Variants in LOXL2 observed in about 807,000 individuals in gnomAD.
LOXL2 encodes lysyl oxidase like 2.
A neutral mutation model predicts 93.0 loss-of-function variants in LOXL2; 70 were observed. That is an observed-to-expected ratio of 0.75 (90% CI 0.62 to 0.92). The LOEUF is 0.92. Ranked by LOEUF, LOXL2 falls within the 40% of genes least tolerant of loss-of-function variation. The pLI is 0.00. For missense variants in LOXL2, 973 were observed against 1,054.9 expected, an observed-to-expected ratio of 0.92 and a Z score of 1.08; for synonymous variants, 438 against 413.2, an observed-to-expected ratio of 1.06 and a Z score of -0.73.
chr8:23,324,526 G>C (rs966124559), intron 6 of LOXL2, among the ~76,000 whole-genome samples: 6 of 152,152 alleles, frequency 3.9e-5, no homozygotes, highest in Non-Finnish European at 8.8e-5. Context: ...GTGGACTTCT[G>C]GTTCCTTCTG....
At chr8:23,332,622 C>T (rs1803712944) in intron 5 of LOXL2, among the ~76,000 whole-genome samples, 1 of 122,128 alleles carries the variant, frequency 8.2e-6, no homozygotes, top group Non-Finnish European at 1.7e-5. Context: ...ACACCCAACA[C>T]ACCCACTCAT....
Position 23,368,403 on chromosome 8 carries a change from G to T in LOXL2, c.-52C>A. ...GAAGGGGCCCTGCGCAGCTGGGAGGGACAGGCGGGGTACAGAAGCAGCAGG... is the reference window on the plus strand; with the variant it reads ...GAAGGGGCCCTGCGCAGCTGGGAGGTACAGGCGGGGTACAGAAGCAGCAGG... On this transcript the variant is annotated 5_prime_UTR_variant, in exon 2 of 14. Transcript: ENST00000389131. The T allele has an allele frequency of 6.7e-7, 1 of 1,493,720 alleles. No individual in the cohort carries two copies. The highest frequency in any genetic ancestry group is 1.1e-5 in the South Asian group (1 of 88,668). 92.5% of individuals were successfully genotyped at this position (1,493,720 alleles called of 1,614,324 possible). A position where few individuals can be genotyped will look rare whatever the true frequency, so the allele number is the denominator to read the frequency against.
Position 23,309,678 on chromosome 8 carries a change from C to A in LOXL2, c.1870G>T (p.Asp624Tyr). The A allele has an allele frequency of 6.8e-7, 1 of 1,471,696 alleles. No individual in the cohort carries two copies. The highest frequency in any genetic ancestry group is 1.4e-5 in the African/African-American group (1 of 70,892). 91.2% of individuals were successfully genotyped at this position (1,471,696 alleles called of 1,614,324 possible). Residue 624 changes from aspartate to tyrosine, a missense_variant, in exon 10 of 14, where the codon GAC becomes TAC. By Grantham distance (160) the Asp-to-Tyr change is radical. Coordinates refer to ENST00000389131, the MANE Select transcript of LOXL2 (RefSeq NM_002318.3). ...GCCAGCCAGGCCTACCTGTGACAGT[C>A]GTGCCAGATCCACGCGTGGCGGCCG... ...KNGRHAWIWH[D>Y]CHRHYHSMEV...
chr8:23,346,616 A>G (rs890034251), intron 3 of LOXL2, among the ~76,000 whole-genome samples: 3 of 152,370 alleles, frequency 2.0e-5, no homozygotes, highest in South Asian at 4.1e-4. Flanking sequence ...GCTGTCGCCA[A>G]TGAGGAAAAA....
chr8:23,338,316 G>T (rs1803828032), intron 4 of LOXL2, among the ~76,000 whole-genome samples: 1 of 152,126 alleles, frequency 6.6e-6, no homozygotes, highest in Non-Finnish European at 1.5e-5. Flanking sequence ...GAGGTGCTGA[G>T]GAAGAGCTGC....
At chr8:23,338,072 G>A (rs761462396) in intron 4 of LOXL2, among the ~76,000 whole-genome samples, 1 of 152,222 alleles carries the variant, frequency 6.6e-6, no homozygotes, top group Non-Finnish European at 1.5e-5. Context: ...AGGAACAAAG[G>A]CACGTCTTAC....
chr8:23,399,973 A>G (rs1800135933), intron 1 of LOXL2, among the ~76,000 whole-genome samples: 2 of 152,188 alleles, frequency 1.3e-5, no homozygotes, highest in African/African-American at 4.8e-5. Context: ...CTAACTGGCT[A>G]TTTTATGGAA....
At chr8:23,314,004 AAAG>A (rs1803354998) in intron 9 of LOXL2, among the ~76,000 whole-genome samples, 1 of 130,282 alleles carries the variant, frequency 7.7e-6, no homozygotes, top group South Asian at 3.0e-4. Context: ...ACACTTCTCA[AAAG>A]AAGACATTTA....
intron 1 of LOXL2, among the ~76,000 whole-genome samples, chr8:23,380,133 G>T (rs1043714899): frequency 6.6e-6 from 1 of 152,206 alleles, no homozygotes; most frequent in African/African-American, 2.4e-5. Flanking sequence ...GCTGGCTTAC[G>T]CCTGTAATCC....
chr8:23,363,765 T>A (rs1804344269), intron 2 of LOXL2: 1 of 152,194 alleles, frequency 6.6e-6, no homozygotes, highest in East Asian at 1.9e-4. Flanking sequence ...ATGGACCCCT[T>A]CCACATATGC....
In LOXL2 at chr8:23,309,657, G is replaced by T; in HGVS notation, c.1880+11C>A. The T allele has an allele frequency of 7.0e-7, 1 of 1,425,830 alleles. No individual in the cohort carries two copies. The highest frequency in any genetic ancestry group is 1.5e-5 in the African/African-American group (1 of 68,864). 88.3% of individuals were successfully genotyped at this position (1,425,830 alleles called of 1,614,324 possible). On this transcript the variant is annotated intron_variant, in intron 10 of 13. Transcript: ENST00000389131. ...GGCAGCTTAGTGGGGAGGGTGGCCAGCCAGGCCTACCTGTGACAGTCGTGC... is the reference window on the plus strand; with the variant it reads ...GGCAGCTTAGTGGGGAGGGTGGCCATCCAGGCCTACCTGTGACAGTCGTGC...
intron 8 of LOXL2, among the ~76,000 whole-genome samples, chr8:23,317,579 G>A (rs1001988833): frequency 4.6e-5 from 7 of 152,196 alleles, no homozygotes; most frequent in Non-Finnish European, 1.0e-4. Flanking sequence ...AAATCTATTT[G>A]CATAGGTCAA....
At chr8:23,338,416 G>A (rs1208531116) in intron 4 of LOXL2, among the ~76,000 whole-genome samples, 4 of 152,228 alleles carry the variant, frequency 2.6e-5, no homozygotes, top group Admixed American at 2.0e-4. Flanking sequence ...AGGCAGCAGC[G>A]GGGTGGGGGG....
intron 1 of LOXL2, among the ~76,000 whole-genome samples, chr8:23,385,335 G>C (rs112782326): frequency 0.12 from 17,857 of 145,924 alleles, 1,333 homozygotes; most frequent in Admixed American, 0.18. Context: ...CAACCTCTGC[G>C]TCCCAGGTTC....
intron 2 of LOXL2, among the ~76,000 whole-genome samples, chr8:23,361,496 A>T (rs1464452256): frequency 6.6e-6 from 1 of 152,128 alleles, no homozygotes; most frequent in African/African-American, 2.4e-5. Flanking sequence ...AAAGTGTTAG[A>T]GGGTGAACCA....
At chr8:23,299,861 G>T (rs1383135145) in intron 12 of LOXL2, among the ~76,000 whole-genome samples, 1 of 152,242 alleles carries the variant, frequency 6.6e-6, no homozygotes, top group Non-Finnish European at 1.5e-5. Context: ...GCCCAAAGAG[G>T]TGCTGTGGGA....
At position 23,334,782 on chromosome 8, in the gene LOXL2, C is replaced by T. The variant is rs540444958; in HGVS notation, c.744-1159G>A. ...TGTCCAAAATCAGAAGTAGTATCTGCTTCACTAGATTATTGTGACAGTTTA... is the reference window on the plus strand; with the variant it reads ...TGTCCAAAATCAGAAGTAGTATCTGTTTCACTAGATTATTGTGACAGTTTA... On this transcript the variant is annotated intron_variant, in intron 4 of 13. Coordinates refer to ENST00000389131, the MANE Select transcript of LOXL2 (RefSeq NM_002318.3). Among the ~76,000 whole-genome samples the T allele has an allele frequency of 3.2e-5, 4 of 123,110 alleles. No homozygotes were observed. In the East Asian group the frequency reaches 1.0e-3, roughly 31 times the overall value. The allele number at this position is 123,110 out of a possible 152,430, so 80.8% of individuals were successfully genotyped here. A position where few individuals can be genotyped will look rare whatever the true frequency, so the allele number is the denominator to read the frequency against.
At chr8:23,302,560 GTCTC>G (rs762082477) in intron 11 of LOXL2, among the ~76,000 whole-genome samples, 5 of 152,200 alleles carry the variant, frequency 3.3e-5, no homozygotes, top group Non-Finnish European at 5.9e-5. Flanking sequence ...GTAGGCCCAT[GTCTC>G]TCTGACACTT....
chr8:23,399,828 C>A (rs1043152681), intron 1 of LOXL2, among the ~76,000 whole-genome samples: 1 of 152,192 alleles, frequency 6.6e-6, no homozygotes, highest in Admixed American at 6.5e-5. Flanking sequence ...AGAAATTCTT[C>A]CTCCATGGAG....
Sources: gnomAD v4.1 joint callset for allele counts (sites outside exome capture counted in the v4.1 genomes callset) on GRCh38, gnomAD v4.1.1 for gene constraint, MANE v1.5 for transcripts, NCBI Gene and HGNC (gene_info 2026-07-23, HGNC 2026-07-21) for gene names.